Variants in ADAMTSL2 observed in about 807,000 individuals in gnomAD.
ADAMTSL2 encodes ADAMTS-like protein 2.
Under a neutral mutation model 117.0 loss-of-function variants are expected in ADAMTSL2, and 55 were observed. That is an observed-to-expected ratio of 0.47 (90% CI 0.38 to 0.59). The LOEUF (loss-of-function observed/expected upper bound fraction) is 0.59. Among genes scored for constraint, ADAMTSL2 ranks in the 20% least tolerant of loss-of-function variants. The probability of loss-of-function intolerance (pLI) is 0.00; values close to 1 mark genes in which losing one functional copy is unlikely to be tolerated. For synonymous variants in ADAMTSL2, 572 were observed against 566.4 expected (o/e 1.01, Z -0.14); for missense variants, 1,182 against 1,354.5 (o/e 0.87, Z 2.00).
Position 133,554,423 on chromosome 9 carries a change from G to A in ADAMTSL2, c.1006G>A (p.Glu336Lys), listed in dbSNP as rs753606710. Residue 336 changes from glutamate to lysine, a missense_variant, in exon 10 of 19, where the codon GAG becomes AAG. This residue lies in a region of ADAMTSL2 where 345 missense variants were observed against 325.8 expected (regional missense o/e 1.06). Coordinates refer to ENST00000651351, the MANE Select transcript of ADAMTSL2 (RefSeq NM_014694.4). The surrounding 1 kb of genome is among the most constrained non-coding windows in gnomAD (Gnocchi z 5.2). ...FEYTLLQPPH[E>K]SRPQPIYYGF... is the part of the protein sequence containing the mutation. ...GTACACGCTGCTGCAGCCGCCACAC[G>A]AGAGCCGCCCCCAGCCCATCTACTA... 5.7e-4 allele frequency: 899 copies of A among 1,566,096 alleles called. 3 individuals are homozygous for A. The highest frequency in any genetic ancestry group is 1.4e-3 in the East Asian group (62 of 43,000).
chr9:133,548,058 G>A (rs1830395941), intron 9 of ADAMTSL2, among the ~76,000 whole-genome samples: 1 of 152,250 alleles, frequency 6.6e-6, no homozygotes, highest in Non-Finnish European at 1.5e-5. Context: ...GGAGGCCGAG[G>A]GAATACAGCA....
intron 11 of ADAMTSL2, among the ~76,000 whole-genome samples, chr9:133,559,254 G>T (rs1830672761): frequency 6.6e-6 from 1 of 152,198 alleles, no homozygotes; most frequent in African/African-American, 2.4e-5. Context: ...TCCTGATCTG[G>T]GTGCTCTGAG....
chr9:133,570,605 C>T, intron 17 of ADAMTSL2, 98 bp downstream of exon 17: 1 of 1,341,016 alleles, frequency 7.5e-7, no homozygotes, highest in Non-Finnish European at 1.0e-6. Context: ...CTTCCTGCTC[C>T]TCCCTCCCTG....
At chr9:133,571,457 G>T (rs1831104889) in intron 17 of ADAMTSL2, among the ~76,000 whole-genome samples, 1 of 152,150 alleles carries the variant, frequency 6.6e-6, no homozygotes, top group South Asian at 2.1e-4. Context: ...CAAACTGGGT[G>T]CCCCCTCGCC....
Position 133,554,294 on chromosome 9 carries a change from G to C in ADAMTSL2, c.940-63G>C. The C allele has an allele frequency of 7.1e-7, 1 of 1,417,976 alleles. No homozygotes were observed. Among genetic ancestry groups the C allele is most frequent in the South Asian group, 1.3e-5 (1 of 78,306 alleles). The allele number at this position is 1,417,976 out of a possible 1,614,324, so 87.8% of individuals were successfully genotyped here. A position where few individuals can be genotyped will look rare whatever the true frequency, so the allele number is the denominator to read the frequency against. On this transcript the variant is annotated intron_variant, in intron 9 of 18. Coordinates refer to ENST00000651351, the MANE Select transcript of ADAMTSL2 (RefSeq NM_014694.4). The surrounding 1 kb of genome is among the most constrained non-coding windows in gnomAD (Gnocchi z 5.2). ...GCACCCTGCAGCTCTGTGGGAAGGG[G>C]ATTGGTGGGGAAGGGGCTGGACAGA...
At chr9:133,539,950 A>G (rs997513521) in intron 5 of ADAMTSL2, 77 bp downstream of exon 5, 37 of 1,353,548 alleles carry the variant, frequency 2.7e-5, no homozygotes, top group Non-Finnish European at 3.8e-5. Context: ...ACCTGGGACC[A>G]AACTCGACGG....
chr9:133,539,803 G>C lies in ADAMTSL2; in HGVS notation c.342G>C (p.Glu114Asp), dbSNP rs898973118. The C allele has an allele frequency of 6.5e-7, 1 of 1,547,944 alleles. No individual in the cohort carries two copies. Among genetic ancestry groups the C allele is most frequent in the Non-Finnish European group, 8.7e-7 (1 of 1,146,082 alleles). ...ECPPDGRSFR[E>D]EQCVSFNSHV... ...CGCCGGACGGGAGGAGCTTCCGCGAGGAGCAGTGCGTCTCCTTCAACTCCC... is the reference window on the plus strand; with the variant it reads ...CGCCGGACGGGAGGAGCTTCCGCGACGAGCAGTGCGTCTCCTTCAACTCCC... The change falls in exon 5 of 19, where the codon GAG (glutamate) becomes GAC (aspartate). Residue 114 changes from glutamate (E) to aspartate (D), a missense_variant. Coordinates refer to ENST00000651351, the MANE Select transcript of ADAMTSL2 (RefSeq NM_014694.4).
chr9:133,562,639 C>T lies in ADAMTSL2; in HGVS notation c.1747+1344C>T, dbSNP rs1370172792. Among the ~76,000 whole-genome samples, 6 of 131,792 alleles carry T rather than the reference C, an allele frequency of 4.6e-5. 1 individual carries two copies. Among genetic ancestry groups the T allele is most frequent in the East Asian group, 2.1e-4 (1 of 4,738 alleles). The allele number at this position is 131,792 out of a possible 152,430, so 86.5% of individuals were successfully genotyped here. On this transcript the variant is annotated intron_variant, in intron 12 of 18. Transcript: ENST00000651351. ...GCACCCGGCTGGGCCCGGTTCGCACCGCCGTGGGCGGCGTGGCGGGCACCG... is the reference window on the plus strand; with the variant it reads ...GCACCCGGCTGGGCCCGGTTCGCACTGCCGTGGGCGGCGTGGCGGGCACCG...
chr9:133,545,969 T>C (rs1830337910), intron 8 of ADAMTSL2, among the ~76,000 whole-genome samples: 1 of 152,122 alleles, frequency 6.6e-6, no homozygotes, highest in Non-Finnish European at 1.5e-5. Context: ...TGCGTCTGTC[T>C]GATAATAAAT....
chr9:133,553,534 G>A (rs1226728937), intron 9 of ADAMTSL2, among the ~76,000 whole-genome samples: 3 of 152,312 alleles, frequency 2.0e-5, no homozygotes, highest in East Asian at 3.9e-4. Flanking sequence ...TGCACCAATA[G>A]TGCATTTCCT....
At position 133,544,470 on chromosome 9, in the gene ADAMTSL2, G is replaced by A; in HGVS notation, c.683G>A (p.Gly228Asp). 6.2e-7 allele frequency: 1 copy of A among 1,613,800 alleles called. No individual in the cohort carries two copies. The highest frequency in any genetic ancestry group is 8.5e-7 in the Non-Finnish European group (1 of 1,179,694). ...GNYRKGNAHL[G>D]YSLVTHIPAG... Reference sequence around the variant, plus strand: ...CTCACTGTCATCCTTTTGCCTCCAGGTTACTCTCTGGTGACCCACATCCCG... The same window carrying A: ...CTCACTGTCATCCTTTTGCCTCCAGATTACTCTCTGGTGACCCACATCCCG... Residue 228 changes from glycine to aspartate, a missense_variant and splice_region_variant, in exon 8 of 19, where the codon GGT becomes GAT. Gly to Asp is a moderately conservative substitution (Grantham distance 94). Around this residue, in one of 3 missense-constraint regions of ADAMTSL2, gnomAD observed 372 missense variants for 463.4 expected, o/e 0.80. Coordinates refer to ENST00000651351, the MANE Select transcript of ADAMTSL2 (RefSeq NM_014694.4).
At chr9:133,560,693 T>A (rs1328210795) in intron 11 of ADAMTSL2, among the ~76,000 whole-genome samples, 1 of 152,306 alleles carries the variant, frequency 6.6e-6, no homozygotes, top group Admixed American at 6.5e-5. Flanking sequence ...TTAATTTTGA[T>A]AATTGGAGGC....
Position 133,569,436 on chromosome 9 carries a change from C to T in ADAMTSL2, c.2273C>T (p.Thr758Ile), listed in dbSNP as rs1831053756. 3.1e-6 allele frequency: 5 copies of T among 1,613,544 alleles called. No homozygotes were observed. In the South Asian group the frequency reaches 5.5e-5, roughly 18 times the overall value. Residue 758 changes from threonine (T) to isoleucine (I), a missense_variant, in exon 16 of 19, where the codon ACC becomes ATC. This residue lies in a region of ADAMTSL2 where 465 missense variants were observed against 565.3 expected (regional missense o/e 0.82). Coordinates refer to ENST00000651351, the MANE Select transcript of ADAMTSL2 (RefSeq NM_014694.4). ...PCSGSCGQGR[T>I]IRHVYCKTSD... ...AGTGGAAGCTGCGGGCAAGGCCGCA[C>T]CATCAGGCACGTGTACTGCAAGACC...
At chr9:133,539,356 G>T (rs1011881822) in intron 4 of ADAMTSL2, among the ~76,000 whole-genome samples, 4 of 152,176 alleles carry the variant, frequency 2.6e-5, no homozygotes, top group Non-Finnish European at 2.9e-5. Flanking sequence ...CCTGATTTAC[G>T]CAGTGTGCAT....
intron 13 of ADAMTSL2, among the ~76,000 whole-genome samples, chr9:133,567,440 T>C (rs942616013): frequency 4.6e-5 from 7 of 152,238 alleles, no homozygotes; most frequent in Non-Finnish European, 8.8e-5. Flanking sequence ...GTCCCTTGGA[T>C]GTGGGTGGAG....
Position 133,568,761 on chromosome 9 carries a change from G to A in ADAMTSL2, c.2244+3G>A, listed in dbSNP as rs1831036273. On this transcript the variant is annotated splice_donor_region_variant and intron_variant, in intron 15 of 18. Coordinates refer to ENST00000651351, the MANE Select transcript of ADAMTSL2 (RefSeq NM_014694.4). Reference sequence around the variant, plus strand: ...GGACCGTCTCCGACTGGGGACCGGTGAGGCCTGCACTGAGGGGTGGCTGGG... The same window carrying A: ...GGACCGTCTCCGACTGGGGACCGGTAAGGCCTGCACTGAGGGGTGGCTGGG... 2.5e-6 allele frequency: 4 copies of A among 1,612,980 alleles called. No individual in the cohort carries two copies. The highest frequency in any genetic ancestry group is 2.7e-5 in the African/African-American group (2 of 75,044).
chr9:133,536,847 C>T (rs1171560862), intron 2 of ADAMTSL2, 45 bp downstream of exon 2: 1 of 1,613,082 alleles, frequency 6.2e-7, no homozygotes, highest in Non-Finnish European at 8.5e-7. Context: ...AGTCCCCTAC[C>T]CAGGTGCTGT....
At chr9:133,544,336 C>T (rs1830297750) in intron 7 of ADAMTSL2, 134 bp from the exon 8 acceptor site, 2 of 807,112 alleles carry the variant, frequency 2.5e-6, no homozygotes, top group East Asian at 5.0e-5. Context: ...AGCTGAGCTA[C>T]ACAAGCGGGT....
rs1285762406 is a variant in ADAMTSL2, at chr9:133,540,674, C to T, written c.489C>T (p.Val163=). The T allele has an allele frequency of 1.2e-5, 19 of 1,613,680 alleles. No homozygotes were observed. The highest frequency in any genetic ancestry group is 5.0e-5 in the Admixed American group (3 of 60,014). Residue 163 remains valine (V), a synonymous_variant, in exon 6 of 19, where the codon GTC becomes GTT. Transcript: ENST00000651351. ...TTVDGQRQLM[V]PARDGTSCKL... is the part of the protein sequence containing the mutation. ...TGGACGGCCAGCGGCAGCTCATGGT[C>T]CCCGCCCGCGACGGCACATCCTGCA...
Sources: allele counts gnomAD v4.1 joint callset (sites outside exome capture counted in the v4.1 genomes callset), GRCh38; gene constraint gnomAD v4.1.1; regional missense constraint gnomAD v4.1.1; non-coding constraint Gnocchi (gnomAD v3.1); transcripts MANE v1.5; gene names NCBI Gene and HGNC (gene_info 2026-07-23, HGNC 2026-07-21).